The following FN1 variants were observed in gnomAD, a reference collection of about 807,000 sequenced individuals.
FN1 encodes the protein fibronectin.
In FN1, 106 loss-of-function variants were observed where a neutral mutation model predicts 297.3. The observed-to-expected ratio is 0.36, with a 90% CI of 0.30 to 0.42. FN1 has a LOEUF of 0.42. Ranked by LOEUF, FN1 falls within the 10% of genes least tolerant of loss-of-function variation. FN1 has a pLI of 1.00. For missense variants in FN1, 2,690 were observed against 3,124.9 expected (o/e 0.86, Z 3.32); for synonymous variants, 1,149 against 1,152.6 (o/e 1.00, Z 0.06).
chr2:215,375,192 G>A, intron 38 of FN1, 22 bp downstream of exon 38: 2 of 1,612,592 alleles, frequency 1.2e-6, no homozygotes, highest in South Asian at 2.2e-5. Flanking sequence ...GAAGGAAAAT[G>A]ACAGCATGGA....
At chr2:215,365,777 C>T in intron 42 of FN1, 147 bp from the exon 43 acceptor site, 1 of 460,818 alleles carries the variant, frequency 2.2e-6, no homozygotes, top group African/African-American at 2.1e-5. Context: ...TATAATGGGC[C>T]ATTTATTTTA....
At chr2:215,409,235 C>T (rs2062219186) in intron 15 of FN1, among the ~76,000 whole-genome samples, 1 of 152,132 alleles carries the variant, frequency 6.6e-6, no homozygotes, top group Admixed American at 6.5e-5. Flanking sequence ...GTATGAGTGA[C>T]CGTACTGTGC....
intron 40 of FN1, among the ~76,000 whole-genome samples, chr2:215,371,496 A>G (rs2056100402): frequency 6.6e-6 from 1 of 150,978 alleles, no homozygotes; most frequent in Admixed American, 6.6e-5. Context: ...CATCTATCTT[A>G]CTCAAAAAGG....
At chr2:215,380,639 A>T in intron 33 of FN1, 172 bp downstream of exon 33, 1 of 902,284 alleles carries the variant, frequency 1.1e-6, no homozygotes, top group Non-Finnish European at 1.7e-6. Context: ...TTGTTTCCTT[A>T]AATATCACCT....
chr2:215,381,174 T>G (rs773114273), intron 32 of FN1, 94 bp from the exon 33 acceptor site: 248 of 1,253,220 alleles, frequency 2.0e-4, no homozygotes, highest in Non-Finnish European at 2.7e-4. Flanking sequence ...AGATACCATT[T>G]TCTTTGATGA....
Position 215,377,469 on chromosome 2 carries a change from C to A in FN1, c.5710+706G>T, listed in dbSNP as rs192892657. On this transcript the variant is annotated intron_variant, in intron 35 of 45. Transcript: ENST00000354785. The stretch of plus-strand genomic sequence containing the variant: ...TTTAAATGTATAAGGTCCTCCCCCC[C>A]CAACTCTCTCTCTCTCTCGGTCTTG... 4.2e-3 allele frequency among the ~76,000 whole-genome samples: 637 copies of A among 152,074 alleles called. 3 individuals carry two copies. The highest frequency in any genetic ancestry group is 0.014 in the African/African-American group (574 of 41,496).
At position 215,364,738 on chromosome 2, in the gene FN1, A is replaced by T. The variant is rs192713498; in HGVS notation, c.7251+141T>A. On this transcript the variant is annotated intron_variant, in intron 44 of 45. Transcript: ENST00000354785. ...TAGAGCTGCTCTAGAGCTCTATGTC[A>T]GCAGTTGTATGCCAACAGGAAATGT... 2.0e-4 allele frequency: 137 copies of T among 694,400 alleles called. 1 individual carries two copies. Among genetic ancestry groups the T allele is most frequent in the South Asian group, 7.8e-4 (51 of 65,706 alleles). 43.0% of individuals were successfully genotyped at this position (694,400 alleles called of 1,614,324 possible).
chr2:215,412,394 G>A (rs1160455632), intron 13 of FN1, among the ~76,000 whole-genome samples: 1 of 152,018 alleles, frequency 6.6e-6, no homozygotes, highest in African/African-American at 2.4e-5. Context: ...TCAACAATAA[G>A]TCATATTTAC....
At chr2:215,373,186 T>C in intron 39 of FN1, 136 bp downstream of exon 39, 1 of 704,740 alleles carries the variant, frequency 1.4e-6, no homozygotes, top group Admixed American at 2.0e-5. Context: ...GAATACAATA[T>C]ATACACTATG....
At position 215,361,534 on chromosome 2, in the gene FN1, C is replaced by A. The variant is rs957522668; in HGVS notation, c.*21G>T. ...ATCTTGGCAGAGAGACATGCTTGTTCCTCTGGATTGGAAAGATGATTTACT... is the reference window on the plus strand; with the variant it reads ...ATCTTGGCAGAGAGACATGCTTGTTACTCTGGATTGGAAAGATGATTTACT... On this transcript the variant is annotated 3_prime_UTR_variant, in exon 46 of 46. Coordinates refer to ENST00000354785, the MANE Select transcript of FN1 (RefSeq NM_212482.4). 6.5e-7 allele frequency: 1 copy of A among 1,535,282 alleles called. No individual in the cohort carries two copies. Among genetic ancestry groups the A allele is most frequent in the East Asian group, 2.2e-5 (1 of 44,496 alleles).
At chr2:215,371,191 C>T (rs754290587) in intron 40 of FN1, among the ~76,000 whole-genome samples, 7 of 151,888 alleles carry the variant, frequency 4.6e-5, no homozygotes, top group Admixed American at 3.9e-4. Flanking sequence ...TTGCTTGAAC[C>T]TGGGAGGCAG....
intron 20 of FN1, 67 bp downstream of exon 20, chr2:215,404,322 T>C: frequency 6.9e-7 from 1 of 1,450,742 alleles, no homozygotes; most frequent in East Asian, 2.3e-5. Flanking sequence ...TGTTTTGTTT[T>C]GTTTTAAAGC....
intron 17 of FN1, 124 bp downstream of exon 17, chr2:215,407,984 C>A: frequency 2.5e-6 from 2 of 786,140 alleles, no homozygotes; most frequent in South Asian, 1.4e-5. Flanking sequence ...ACACACAAAC[C>A]CCTCTCCCAT....
chr2:215,385,036 G>T, intron 28 of FN1, 60 bp from the exon 29 acceptor site: 1 of 1,167,246 alleles, frequency 8.6e-7, no homozygotes, highest in Non-Finnish European at 1.3e-6. Context: ...CAGATTTACT[G>T]TTTGTTCATT....
In FN1 at chr2:215,391,842, G is replaced by C. The variant is rs772947688; in HGVS notation, c.4070-28C>G. 2.7e-5 allele frequency: 44 copies of C among 1,605,384 alleles called. No homozygotes were observed. The Middle Eastern group carries it at 9.9e-4, about 36-fold the overall frequency. The stretch of plus-strand genomic sequence containing the variant: ...GGTTTCGAACAAGAAGGAAGACTCA[G>C]TTAATGTAATTTTAAAATTAAAGCT... On this transcript the variant is annotated intron_variant, in intron 25 of 45. Transcript: ENST00000354785.
chr2:215,430,624 T>C (rs2066343300), intron 5 of FN1, 91 bp downstream of exon 5: 2 of 1,442,222 alleles, frequency 1.4e-6, no homozygotes, highest in African/African-American at 2.8e-5. Flanking sequence ...ATATACTGGA[T>C]GTGTTCTGAG....
In FN1 at chr2:215,361,135, T is replaced by C. The variant is rs1249196018; in HGVS notation, c.*420A>G. 5.3e-6 allele frequency: 1 copy of C among 189,708 alleles called. No individual in the cohort carries two copies. Among genetic ancestry groups the C allele is most frequent in the Non-Finnish European group, 1.1e-5 (1 of 90,124 alleles). 11.8% of individuals were successfully genotyped at this position (189,708 alleles called of 1,614,324 possible). ...TTAAAATATCACAGTAACAAGATCATGCTTGTTCCTACAGTATTGCGGGCC... is the reference window on the plus strand; with the variant it reads ...TTAAAATATCACAGTAACAAGATCACGCTTGTTCCTACAGTATTGCGGGCC... On this transcript the variant is annotated 3_prime_UTR_variant, in exon 46 of 46. Coordinates refer to ENST00000354785, the MANE Select transcript of FN1 (RefSeq NM_212482.4).
In FN1 at chr2:215,408,286, G is replaced by C. The variant is rs763500794; in HGVS notation, c.2428+12C>G. 1 of 1,614,072 alleles carries C rather than the reference G, an allele frequency of 6.2e-7. No homozygotes were observed. The highest frequency in any genetic ancestry group is 1.1e-5 in the South Asian group (1 of 91,078). On this transcript the variant is annotated intron_variant, in intron 16 of 45. Transcript: ENST00000354785. ...AAAAAGATTCTTTTAACACTATGTA[G>C]CACACATGTACCTGTTGTTTGTGAA... is the stretch of plus-strand genomic sequence containing the variant.
In FN1 at chr2:215,362,002, C is replaced by G; in HGVS notation, c.7329G>C (p.Gln2443His). ...TTCTCTGATGGTATCTCTGAGAATA[C>G]TGGTTGTAGGACTGGCCAGTAGTGC... ...PEGTTGQSYN[Q>H]YSQRYHQRTN... The change falls in exon 45 of 46, where the codon CAG becomes CAC. Residue 2443 changes from glutamine to histidine, a missense_variant. Physicochemically the swap from Gln to His is conservative, Grantham distance 24. This residue lies in a region of FN1 where 1,743 missense variants were observed against 1,945.2 expected (regional missense o/e 0.90). Transcript: ENST00000354785. 2 of 1,613,920 alleles carry G rather than the reference C, an allele frequency of 1.2e-6. No homozygotes were observed. Among genetic ancestry groups the G allele is most frequent in the Non-Finnish European group, 8.5e-7 (1 of 1,179,936 alleles).
Sources: gnomAD v4.1 joint callset for allele counts (sites outside exome capture counted in the v4.1 genomes callset) on GRCh38, gnomAD v4.1.1 for gene constraint, gnomAD v4.1.1 regional missense constraint, MANE v1.5 for transcripts, NCBI Gene and HGNC (gene_info 2026-07-23, HGNC 2026-07-21) for gene names.